MGA: variants seen among roughly 807,000 people sequenced by gnomAD.
The protein encoded by MGA is MAX dimerization protein MGA.
MGA carries 40 observed loss-of-function variants against 261.1 expected under a neutral mutation model. That is an observed-to-expected ratio of 0.15 (90% CI 0.12 to 0.20). MGA has a LOEUF of 0.20. Among genes scored for constraint, MGA ranks in the 10% least tolerant of loss-of-function variants. MGA has a pLI of 1.00. For synonymous variants in MGA, 1,302 were observed against 1,290.6 expected (o/e 1.01, Z -0.19); for missense variants, 3,397 against 3,630.5 (o/e 0.94, Z 1.65).
At position 41,742,546 on chromosome 15, in the gene MGA, C is replaced by T. The variant is rs752630480; in HGVS notation, c.4586C>T (p.Ala1529Val). ...TTGACCTGCAAATTTCTGTTTGCAGCGGCTCGACCCTCTCCTGGTGGTGTG... is the reference window on the plus strand; with the variant it reads ...TTGACCTGCAAATTTCTGTTTGCAGTGGCTCGACCCTCTCCTGGTGGTGTG... The change falls in exon 15 of 24, where the codon GCG becomes GTG. Residue 1529 changes from alanine (A) to valine (V), a missense_variant and splice_region_variant. Coordinates refer to ENST00000219905, the MANE Select transcript of MGA (RefSeq NM_001164273.2). 34 of 1,607,250 alleles carry T rather than the reference C, an allele frequency of 2.1e-5. No homozygotes were observed. Among genetic ancestry groups the T allele is most frequent in the Non-Finnish European group, 2.4e-5 (28 of 1,176,124 alleles).
intron 5 of MGA, among the ~76,000 whole-genome samples, chr15:41,700,580 C>CT (rs1241964165): frequency 6.6e-6 from 1 of 152,110 alleles, no homozygotes; most frequent in Admixed American, 6.5e-5. Flanking sequence ...TGAACTCATT[C>CT]TTTTTTATGG....
rs2062191230 is a variant in MGA, at chr15:41,742,764, C to T, written c.4804C>T (p.Pro1602Ser). Residue 1602 changes from proline (P) to serine (S), a missense_variant, in exon 15 of 24, where the codon CCT becomes TCT. Transcript: ENST00000219905. ...GACTGCTGCTGTCACTACTACCACC[C>T]CTCAAGTGTTTTTAGAAAATACTAC... 2 of 1,613,946 alleles carry T rather than the reference C, an allele frequency of 1.2e-6. No homozygotes were observed. The highest frequency in any genetic ancestry group is 1.7e-6 in the Non-Finnish European group (2 of 1,179,874).
At chr15:41,626,625 A>G (rs751117488) in intron 1 of MGA, among the ~76,000 whole-genome samples, 11 of 151,946 alleles carry the variant, frequency 7.2e-5, no homozygotes, top group South Asian at 4.1e-4. Context: ...CTTTCTCCAC[A>G]TTGGTCAGGC....
At chr15:41,675,881 C>T (rs2058347305) in intron 2 of MGA, among the ~76,000 whole-genome samples, 1 of 152,112 alleles carries the variant, frequency 6.6e-6, no homozygotes, top group Non-Finnish European at 1.5e-5. Context: ...TTTCTGTTAT[C>T]TTTTATTCAG....
intron 9 of MGA, among the ~76,000 whole-genome samples, chr15:41,720,889 C>A (rs2060902827): frequency 6.6e-6 from 1 of 152,144 alleles, no homozygotes; most frequent in South Asian, 2.1e-4. Flanking sequence ...CTTGATTTGA[C>A]AGAAGTGGCG....
At chr15:41,708,057 T>C in intron 6 of MGA, 47 bp from the exon 7 acceptor site, 3 of 1,478,402 alleles carry the variant, frequency 2.0e-6, no homozygotes, top group Non-Finnish European at 2.7e-6. Context: ...GTCCATAATA[T>C]TGGCCTGCTA....
At position 41,670,425 on chromosome 15, in the gene MGA, CA is replaced by C. The variant is rs1411251484; in HGVS notation, c.1064+468del. ...AAGTAGAAAGTAGAATGGTGGATGCCAGGGGGTAGAGAGAGACTGAAAGATG... is the reference window on the plus strand; with the variant it reads ...AAGTAGAAAGTAGAATGGTGGATGCCGGGGGTAGAGAGAGACTGAAAGATG... On this transcript the variant is annotated intron_variant, in intron 2 of 23. Coordinates refer to ENST00000219905, the MANE Select transcript of MGA (RefSeq NM_001164273.2). Among the ~76,000 whole-genome samples, 5 of 152,082 alleles carry C rather than the reference CA, an allele frequency of 3.3e-5. No individual in the cohort carries two copies. The South Asian group carries it at 8.3e-4, about 25-fold the overall frequency.
chr15:41,635,810 G>A (rs1249826238), intron 1 of MGA, among the ~76,000 whole-genome samples: 1 of 152,204 alleles, frequency 6.6e-6, no homozygotes, highest in African/African-American at 2.4e-5. Context: ...TAAGGTTAAT[G>A]GAGCTGAAAA....
At chr15:41,743,199 T>C in intron 15 of MGA, 27 bp downstream of exon 15, 1 of 1,572,470 alleles carries the variant, frequency 6.4e-7, no homozygotes. Context: ...ACTAGCTGCT[T>C]TATTTTACTG....
Position 41,629,105 on chromosome 15 carries a change from C to CAAAAAA in MGA, c.-68+7823_-68+7828dup, listed in dbSNP as rs71108108. Among the ~76,000 whole-genome samples the CAAAAAA allele has an allele frequency of 5.1e-5, 4 of 78,084 alleles. No individual in the cohort carries two copies. The South Asian group carries it at 1.7e-3, about 33-fold the overall frequency. The allele number at this position is 78,084 out of a possible 152,430, so 51.2% of individuals were successfully genotyped here. On this transcript the variant is annotated intron_variant, in intron 1 of 8. Transcript: ENST00000566718. Reference sequence around the variant, plus strand: ...TGGGCGACTGAGCAAGACTTCGTCTCAAAAAAAAAAAAAAAAAAAAAGAAG... The same window carrying CAAAAAA: ...TGGGCGACTGAGCAAGACTTCGTCTCAAAAAAAAAAAAAAAAAAAAAAAAAAAGAAG...
intron 18 of MGA, 94 bp downstream of exon 18, chr15:41,754,661 T>G (rs775452723): frequency 2.1e-5 from 28 of 1,335,696 alleles, no homozygotes; most frequent in Non-Finnish European, 2.7e-5. Flanking sequence ...GTAACTCATC[T>G]GGTTCCTTCT....
intron 2 of MGA, among the ~76,000 whole-genome samples, chr15:41,690,040 A>G (rs1214384355): frequency 6.6e-6 from 1 of 152,192 alleles, no homozygotes; most frequent in Non-Finnish European, 1.5e-5. Context: ...CAGTTTTAGG[A>G]CATTACCAGC....
rs1197070960 is a variant in MGA at position 41,749,440 on chromosome 15, G to A, written c.5833G>A (p.Ala1945Thr). Residue 1945 changes from alanine to threonine, a missense_variant, in exon 17 of 24, where the codon GCC (alanine) becomes ACC (threonine). Ala to Thr is a moderately conservative substitution (Grantham distance 58). This residue lies in a region of MGA where 1,410 missense variants were observed against 1,386.4 expected (regional missense o/e 1.02). Coordinates refer to ENST00000219905, the MANE Select transcript of MGA (RefSeq NM_001164273.2). ...TATTCCTCTCCAGTCTGGTAGTTTT[G>A]CCTTGTTACAGCTCCCAGGACAAAA... The A allele has an allele frequency of 6.2e-7, 1 of 1,613,866 alleles. No homozygotes were observed. Among genetic ancestry groups the A allele is most frequent in the Non-Finnish European group, 8.5e-7 (1 of 1,179,894 alleles).
intron 7 of MGA, among the ~76,000 whole-genome samples, chr15:41,709,234 C>T (rs1458340621): frequency 3.3e-5 from 5 of 151,868 alleles, no homozygotes; most frequent in Non-Finnish European, 5.9e-5. Flanking sequence ...GTAGTCCGAG[C>T]TACTTGCGGG....
chr15:41,761,322 C>T (rs923169474), intron 20 of MGA, among the ~76,000 whole-genome samples: 1 of 152,194 alleles, frequency 6.6e-6, no homozygotes, highest in African/African-American at 2.4e-5. Context: ...AAAGTAATTT[C>T]GTTTAAACAG....
At chr15:41,700,478 G>A (rs2059791579) in intron 5 of MGA, among the ~76,000 whole-genome samples, 1 of 152,070 alleles carries the variant, frequency 6.6e-6, no homozygotes, top group Non-Finnish European at 1.5e-5. Flanking sequence ...TCCCACTTAC[G>A]AGTGAAAACA....
intron 11 of MGA, among the ~76,000 whole-genome samples, chr15:41,731,115 T>G (rs1267999739): frequency 6.6e-6 from 1 of 152,154 alleles, no homozygotes; most frequent in Non-Finnish European, 1.5e-5. Context: ...TCTTAAAAGC[T>G]CCTGTATTTT....
rs541762737 is a variant in MGA, at chr15:41,667,629, C to T, written c.-67-1199C>T. On this transcript the variant is annotated intron_variant, in intron 1 of 23. Transcript: ENST00000219905. ...TCCTGACTTCAAGCAATCCTCCTGC[C>T]TTGGCCTCCCAAAGTGCTGGGATTA... Among the ~76,000 whole-genome samples, 3 of 152,242 alleles carry T rather than the reference C, an allele frequency of 2.0e-5. No homozygotes were observed. The East Asian group carries it at 5.8e-4, about 29-fold the overall frequency.
chr15:41,622,662 T>C (rs967681767), intron 1 of MGA, among the ~76,000 whole-genome samples: 16 of 152,218 alleles, frequency 1.1e-4, no homozygotes, highest in African/African-American at 3.9e-4. Context: ...AGGGAAATGC[T>C]GATCCCCCAT....
Sources: allele counts gnomAD v4.1 joint callset (sites outside exome capture counted in the v4.1 genomes callset), GRCh38; gene constraint gnomAD v4.1.1; regional missense constraint gnomAD v4.1.1; transcripts MANE v1.5; gene names NCBI Gene and HGNC (gene_info 2026-07-23, HGNC 2026-07-21).